The following IL1RAPL2 variants were observed in gnomAD, a reference collection of about 807,000 sequenced individuals.
The protein encoded by IL1RAPL2 is X-linked interleukin-1 receptor accessory protein-like 2.
Under a neutral mutation model 44.1 loss-of-function variants are expected in IL1RAPL2, and 3 were observed. That is an observed-to-expected ratio of 0.07 (90% CI 0.03 to 0.18). The LOEUF is 0.18. Ranked by LOEUF, IL1RAPL2 falls within the 10% of genes least tolerant of loss-of-function variation. The probability of loss-of-function intolerance (pLI) is 1.00; values close to 1 mark genes in which losing one functional copy is unlikely to be tolerated. For missense variants in IL1RAPL2, 391 were observed against 496.4 expected, an observed-to-expected ratio of 0.79 and a Z score of 2.02; for synonymous variants, 181 against 178.8, an observed-to-expected ratio of 1.01 and a Z score of -0.10.
At chrX:104,585,256 T>A (rs10449027) in intron 1 of IL1RAPL2, among the ~76,000 whole-genome samples, 3 of 15,609 alleles carry the variant, frequency 1.9e-4, no homozygotes, top group Non-Finnish European at 1.0e-4. Flanking sequence ...TGATATATAA[T>A]ATATATATAA....
chrX:105,337,667 G>A (rs1256456010), intron 5 of IL1RAPL2, among the ~76,000 whole-genome samples: 7 of 111,580 alleles, frequency 6.3e-5, no homozygotes, highest in East Asian at 5.7e-4. Context: ...TGAGGCGGGC[G>A]GATCACAAGG....
rs764938823 is a variant in IL1RAPL2 at position 104,911,474 on chromosome X, G to T, written c.82+252479G>T. The stretch of plus-strand genomic sequence containing the variant: ...TTTTCCTGCTTATACTCAATATCTA[G>T]TGAGTGAGGTCCTGTTGACTCTGCC... On this transcript the variant is annotated intron_variant, in intron 2 of 10. Transcript: ENST00000372582. Among the ~76,000 whole-genome samples, 6 of 110,966 alleles carry T rather than the reference G, an allele frequency of 5.4e-5. No homozygotes were observed. In the South Asian group the frequency reaches 2.3e-3, roughly 43 times the overall value.
rs1447517527 is a variant in IL1RAPL2 at position 105,180,344 on chromosome X, C to CAA, written c.83-15127_83-15126dup. Among the ~76,000 whole-genome samples the CAA allele has an allele frequency of 8.0e-4, 81 of 100,849 alleles. 1 individual carries two copies. Among genetic ancestry groups the CAA allele is most frequent in the African/African-American group, 3.2e-3 (81 of 25,001 alleles). 87.6% of individuals were successfully genotyped at this position (100,849 alleles called of 115,157 possible). The stretch of plus-strand genomic sequence containing the variant: ...AAGAGTGAAACTCCATCTCAAAAAA[C>CAA]AAAAACAAAAACAAAAAAAAAAGAA... On this transcript the variant is annotated intron_variant, in intron 2 of 10. Coordinates refer to ENST00000372582, the MANE Select transcript of IL1RAPL2 (RefSeq NM_017416.2).
intron 2 of IL1RAPL2, among the ~76,000 whole-genome samples, chrX:104,666,175 T>C (rs1245432155): frequency 1.8e-5 from 2 of 110,474 alleles, no homozygotes; most frequent in Non-Finnish European, 3.8e-5. Context: ...ACAGTGAAAA[T>C]CTCTGCCTAT....
chrX:105,683,457 C>G (rs1217869707), intron 6 of IL1RAPL2, among the ~76,000 whole-genome samples: 1 of 111,185 alleles, frequency 9.0e-6, no homozygotes, highest in Non-Finnish European at 1.9e-5. Context: ...TCAATGTGTT[C>G]ATTGTTGCTA....
At chrX:104,696,038 C>T (rs1019724513) in intron 2 of IL1RAPL2, among the ~76,000 whole-genome samples, 22 of 111,468 alleles carry the variant, frequency 2.0e-4, no homozygotes, top group African/African-American at 6.9e-4. Context: ...GAACTCCTGA[C>T]CTCAAGTGAT....
At chrX:105,726,417 C>T (rs2038352522) in intron 7 of IL1RAPL2, among the ~76,000 whole-genome samples, 1 of 111,445 alleles carries the variant, frequency 9.0e-6, no homozygotes, top group African/African-American at 3.3e-5. Context: ...TTTTGTTGTA[C>T]TCCAGATTTA....
At chrX:105,709,946 C>T (rs1389860029) in intron 6 of IL1RAPL2, among the ~76,000 whole-genome samples, 1 of 111,409 alleles carries the variant, frequency 9.0e-6, no homozygotes, top group African/African-American at 3.3e-5. Context: ...AATTCCTCAT[C>T]CAGTGGACTT....
At chrX:105,419,993 G>T (rs1220695181) in intron 5 of IL1RAPL2, among the ~76,000 whole-genome samples, 1 of 110,310 alleles carries the variant, frequency 9.1e-6, no homozygotes, top group African/African-American at 3.3e-5. Flanking sequence ...GATAAATGAT[G>T]GCATGTATGA....
intron 2 of IL1RAPL2, among the ~76,000 whole-genome samples, chrX:104,845,125 A>C (rs1195884378): frequency 8.9e-6 from 1 of 112,016 alleles, no homozygotes; most frequent in African/African-American, 3.2e-5. Context: ...GGAGAGTAGA[A>C]GTTGAGAACC....
chrX:105,416,162 A>C (rs1160548935), intron 5 of IL1RAPL2, among the ~76,000 whole-genome samples: 1 of 112,075 alleles, frequency 8.9e-6, no homozygotes, highest in East Asian at 2.8e-4. Flanking sequence ...TTGAGACAGC[A>C]TTGAAAAATT....
chrX:105,181,801 A>G (rs183896617), intron 2 of IL1RAPL2, among the ~76,000 whole-genome samples: 1,891 of 111,431 alleles, frequency 0.017, 43 homozygotes, highest in African/African-American at 0.057. Flanking sequence ...GCAGTGGCTC[A>G]CGCCTGTAAT....
chrX:104,649,764 A>G (rs1457770489), intron 1 of IL1RAPL2, among the ~76,000 whole-genome samples: 2 of 111,938 alleles, frequency 1.8e-5, no homozygotes, highest in Non-Finnish European at 1.9e-5. Context: ...AAATGTATCC[A>G]TAAGTTAAAT....
intron 2 of IL1RAPL2, among the ~76,000 whole-genome samples, chrX:105,144,858 C>G (rs1343241226): frequency 1.8e-5 from 2 of 111,068 alleles, no homozygotes; most frequent in Non-Finnish European, 3.8e-5. Context: ...GATTCTTTCA[C>G]TGAGTATATC....
intron 2 of IL1RAPL2, among the ~76,000 whole-genome samples, chrX:105,014,104 G>A (rs1030328106): frequency 5.4e-5 from 6 of 111,679 alleles, no homozygotes; most frequent in African/African-American, 1.9e-4. Context: ...AAATGAGAAA[G>A]GATGATTTCT....
chrX:105,033,587 C>T (rs1039569696), intron 2 of IL1RAPL2, among the ~76,000 whole-genome samples: 8 of 110,558 alleles, frequency 7.2e-5, no homozygotes, highest in South Asian at 3.8e-4. Flanking sequence ...TTCTGCAGTG[C>T]GATCAGCCGT....
At chrX:104,769,472 A>T (rs1238228750) in intron 2 of IL1RAPL2, among the ~76,000 whole-genome samples, 1 of 112,397 alleles carries the variant, frequency 8.9e-6, no homozygotes, top group African/African-American at 3.2e-5. Flanking sequence ...TACAGAAAAG[A>T]TCATACACAT....
chrX:104,875,707 A>T (rs1041920038), intron 2 of IL1RAPL2, among the ~76,000 whole-genome samples: 1 of 111,864 alleles, frequency 8.9e-6, no homozygotes, highest in Non-Finnish European at 1.9e-5. Context: ...CAGTTGAGCT[A>T]TGTTATTCAA....
intron 7 of IL1RAPL2, among the ~76,000 whole-genome samples, chrX:105,726,269 C>T (rs2038351030): frequency 8.9e-6 from 1 of 111,836 alleles, no homozygotes; most frequent in Non-Finnish European, 1.9e-5. Context: ...GAGATAAATA[C>T]TATTAGCTTT....
Sources: gnomAD v4.1 joint callset for allele counts (sites outside exome capture counted in the v4.1 genomes callset) on GRCh38, gnomAD v4.1.1 for gene constraint, MANE v1.5 for transcripts, NCBI Gene and HGNC (gene_info 2026-07-23, HGNC 2026-07-21) for gene names.